Variants in WNT7A observed in about 807,000 individuals in gnomAD.
WNT7A encodes the protein Wnt family member 7A.
Under a neutral mutation model 28.2 loss-of-function variants are expected in WNT7A, and 16 were observed. The observed-to-expected ratio is 0.57, with a 90% confidence interval of 0.38 to 0.86. WNT7A has a LOEUF of 0.86. Ranked by LOEUF, WNT7A falls within the 40% of genes least tolerant of loss-of-function variation. The pLI, the probability that WNT7A is intolerant of heterozygous loss-of-function variation, is 0.00. For missense variants in WNT7A, 411 were observed against 489.7 expected (o/e 0.84, Z 1.52); for synonymous variants, 190 against 195.9 (o/e 0.97, Z 0.25).
chr3:13,847,277 T>C (rs890728535), intron 3 of WNT7A, among the ~76,000 whole-genome samples: 1 of 152,176 alleles, frequency 6.6e-6, no homozygotes. Context: ...ACTAAGCTTT[T>C]CTCAAGCCCA....
intron 3 of WNT7A, among the ~76,000 whole-genome samples, chr3:13,823,826 G>A (rs918885950): frequency 6.6e-6 from 1 of 152,208 alleles, no homozygotes; most frequent in African/African-American, 2.4e-5. Context: ...CGGAGGGCAG[G>A]AGGAAAGTTC....
At chr3:13,848,926 G>A (rs754298477) in intron 3 of WNT7A, among the ~76,000 whole-genome samples, 1 of 152,156 alleles carries the variant, frequency 6.6e-6, no homozygotes, top group Non-Finnish European at 1.5e-5. Flanking sequence ...TAAAGGAACC[G>A]GCTACTGATA....
intron 3 of WNT7A, among the ~76,000 whole-genome samples, chr3:13,838,305 G>C (rs1490253747): frequency 6.6e-6 from 1 of 152,206 alleles, no homozygotes; most frequent in African/African-American, 2.4e-5. Flanking sequence ...CTGAGGTTCT[G>C]TCAGCACCAT....
Position 13,879,624 on chromosome 3 carries a change from AC to A in WNT7A, c.71+121del, listed in dbSNP as rs1575078145. 4.4e-6 allele frequency: 5 copies of A among 1,126,120 alleles called. No homozygotes were observed. The East Asian group carries it at 8.1e-5, about 18-fold the overall frequency. The allele number at this position is 1,126,120 out of a possible 1,614,324, so 69.8% of individuals were successfully genotyped here. ...CGTCCACCGCTCCCACACCGCACCCACCCGGCCTCTCAGAGAAGCTGTGGAA... is the reference window on the plus strand; with the variant it reads ...CGTCCACCGCTCCCACACCGCACCCACCGGCCTCTCAGAGAAGCTGTGGAA... On this transcript the variant is annotated intron_variant, in intron 1 of 3. Coordinates refer to ENST00000285018, the MANE Select transcript of WNT7A (RefSeq NM_004625.4).
intron 1 of WNT7A, among the ~76,000 whole-genome samples, chr3:13,876,362 G>A (rs1695111492): frequency 6.6e-6 from 1 of 152,216 alleles, no homozygotes; most frequent in Non-Finnish European, 1.5e-5. Context: ...GGTGCATCAG[G>A]CAGCACCAGG....
chr3:13,843,110 C>G (rs1013738481), intron 3 of WNT7A, among the ~76,000 whole-genome samples: 1 of 152,144 alleles, frequency 6.6e-6, no homozygotes, highest in Admixed American at 6.5e-5. Context: ...CGACCTGGAC[C>G]GCTCCTTCTC....
chr3:13,868,762 G>T (rs1694965717), intron 2 of WNT7A, among the ~76,000 whole-genome samples: 1 of 147,338 alleles, frequency 6.8e-6, no homozygotes, highest in Admixed American at 6.8e-5. Flanking sequence ...AGGAGGGAAG[G>T]GAAGGGAAGG....
At chr3:13,830,036 C>T (rs1252439420) in intron 3 of WNT7A, among the ~76,000 whole-genome samples, 1 of 152,070 alleles carries the variant, frequency 6.6e-6, no homozygotes, top group South Asian at 2.1e-4. Flanking sequence ...TTAAGCAGCC[C>T]CTGCAATGGC....
intron 2 of WNT7A, among the ~76,000 whole-genome samples, chr3:13,857,051 G>C (rs527440281): frequency 8.2e-4 from 125 of 152,246 alleles, no homozygotes; most frequent in Non-Finnish European, 1.4e-3. Flanking sequence ...AGAGGGACTA[G>C]CACAGGGCAG....
intron 3 of WNT7A, among the ~76,000 whole-genome samples, chr3:13,828,230 AG>A (rs1441162763): frequency 6.6e-5 from 10 of 152,192 alleles, no homozygotes; most frequent in Non-Finnish European, 1.2e-4. Context: ...TACGAACAGG[AG>A]GGAATGCAGG....
At chr3:13,821,296 G>A (rs1694106106) in intron 3 of WNT7A, among the ~76,000 whole-genome samples, 1 of 152,208 alleles carries the variant, frequency 6.6e-6, no homozygotes. Flanking sequence ...AGCATATGGA[G>A]CACCTGGAGC....
chr3:13,844,489 A>G (rs1694508932), intron 3 of WNT7A, among the ~76,000 whole-genome samples: 1 of 152,188 alleles, frequency 6.6e-6, no homozygotes, highest in South Asian at 2.1e-4. Flanking sequence ...TCTCCTGTCC[A>G]GGAGCCTGGG....
Position 13,879,849 on chromosome 3 carries a change from G to C in WNT7A, c.-33C>G. On this transcript the variant is annotated 5_prime_UTR_variant, in exon 1 of 4. Transcript: ENST00000285018. ...ATTGGCCGCCGGGGCCGCGGGCCGG[G>C]CTGTGCTGATCCCGCGGGCCGGCCC... The C allele has an allele frequency of 6.3e-7, 1 of 1,591,790 alleles. No individual in the cohort carries two copies. The highest frequency in any genetic ancestry group is 1.7e-5 in the Admixed American group (1 of 58,446).
intron 3 of WNT7A, among the ~76,000 whole-genome samples, chr3:13,837,264 C>T (rs1694385039): frequency 6.6e-6 from 1 of 152,168 alleles, no homozygotes; most frequent in African/African-American, 2.4e-5. Context: ...ATCCTTCTGC[C>T]TGTGACACCC....
rs775537679 is a variant in WNT7A, at chr3:13,856,893, AAAGAAGAAGAAGAAGAAGAAGAAG to A, written c.299-2114_299-2091del. 4.4e-3 allele frequency among the ~76,000 whole-genome samples: 326 copies of A among 73,318 alleles called. 2 individuals carry two copies. Among genetic ancestry groups the A allele is most frequent in the Middle Eastern group, 0.014 (2 of 144 alleles). The allele number at this position is 73,318 out of a possible 152,430, so 48.1% of individuals were successfully genotyped here. Reference sequence around the variant, plus strand: ...AGAGGAAGAAGAGGAAGAAGAAGAAAAAGAAGAAGAAGAAGAAGAAGAAGAAGAAGAAGAAGAAGAAGAAGAAGA... The same window carrying A: ...AGAGGAAGAAGAGGAAGAAGAAGAAAAAGAAGAAGAAGAAGAAGAAGAAGA... On this transcript the variant is annotated intron_variant, in intron 2 of 3. Coordinates refer to ENST00000285018, the MANE Select transcript of WNT7A (RefSeq NM_004625.4).
intron 3 of WNT7A, among the ~76,000 whole-genome samples, chr3:13,820,345 G>T (rs1477553489): frequency 6.6e-6 from 1 of 151,818 alleles, no homozygotes; most frequent in Non-Finnish European, 1.5e-5. Context: ...CTGGGCCCAT[G>T]CTTTTATGTA....
In WNT7A at chr3:13,865,806, G is replaced by A. The variant is rs535834798; in HGVS notation, c.298+9141C>T. Among the ~76,000 whole-genome samples the A allele has an allele frequency of 1.2e-4, 19 of 152,362 alleles. No individual in the cohort carries two copies. The South Asian group carries it at 3.9e-3, about 32-fold the overall frequency. On this transcript the variant is annotated intron_variant, in intron 2 of 3. Transcript: ENST00000285018. ...CTGTGTGCCAGGCCCCAGGACACAT[G>A]CTGGCGGTCTGGGGAGAAGAGGATC...
intron 3 of WNT7A, 111 bp downstream of exon 3, chr3:13,854,421 G>GA: frequency 6.4e-7 from 1 of 1,562,892 alleles, no homozygotes. Flanking sequence ...GAATGAGGCT[G>GA]AGGGCAGAGC....
intron 1 of WNT7A, among the ~76,000 whole-genome samples, chr3:13,875,623 G>A (rs934490141): frequency 2.6e-5 from 4 of 152,180 alleles, no homozygotes; most frequent in African/African-American, 7.2e-5. Context: ...AGGTGCCTTT[G>A]AAGGAGTGAT....
Sources: allele counts gnomAD v4.1 joint callset (sites outside exome capture counted in the v4.1 genomes callset), GRCh38; gene constraint gnomAD v4.1.1; transcripts MANE v1.5; gene names NCBI Gene and HGNC (gene_info 2026-07-23, HGNC 2026-07-21).